The following TAFA2 variants were observed in gnomAD, a reference collection of about 807,000 sequenced individuals.
TAFA2 encodes the protein chemokine-like protein TAFA-2.
TAFA2 carries 7 observed loss-of-function variants against 18.8 expected under a neutral mutation model. The ratio of observed to expected loss-of-function variants is 0.37; its 90% confidence interval spans 0.21 to 0.70. The LOEUF (loss-of-function observed/expected upper bound fraction) is 0.70. Ranked by LOEUF, TAFA2 falls within the 30% of genes least tolerant of loss-of-function variation. The pLI is 0.53. For missense variants in TAFA2, 122 were observed against 158.1 expected, an observed-to-expected ratio of 0.77 and a Z score of 1.23; for synonymous variants, 60 against 54.2, an observed-to-expected ratio of 1.11 and a Z score of -0.47.
chr12:61,953,732 C>T (rs1418293486), intron 1 of TAFA2, among the ~76,000 whole-genome samples: 1 of 152,126 alleles, frequency 6.6e-6, no homozygotes, highest in Non-Finnish European at 1.5e-5. Flanking sequence ...CTTGAAGCTC[C>T]TCATCCACCA....
intron 1 of TAFA2, among the ~76,000 whole-genome samples, chr12:61,973,524 T>C (rs1299020918): frequency 6.6e-6 from 1 of 151,578 alleles, no homozygotes; most frequent in African/African-American, 2.4e-5. Flanking sequence ...CTTCACATTA[T>C]TAGCAGAATC....
chr12:61,896,737 C>T (rs1875861647), intron 1 of TAFA2, among the ~76,000 whole-genome samples: 1 of 152,172 alleles, frequency 6.6e-6, no homozygotes, highest in Non-Finnish European at 1.5e-5. Flanking sequence ...GAGGGCTCAG[C>T]AGGCACTGAA....
intron 4 of TAFA2, among the ~76,000 whole-genome samples, chr12:61,752,114 C>T (rs776344966): frequency 1.3e-5 from 2 of 151,966 alleles, no homozygotes; most frequent in African/African-American, 4.8e-5. Flanking sequence ...TGGGAAGTTA[C>T]ATAACATTTG....
intron 2 of TAFA2, among the ~76,000 whole-genome samples, chr12:61,851,095 T>C (rs1008016869): frequency 1.4e-4 from 22 of 152,160 alleles, no homozygotes; most frequent in Admixed American, 8.5e-4. Context: ...ATGAAAGACA[T>C]GAATCTAACC....
chr12:61,723,784 G>C (rs1274368849), intron 4 of TAFA2, among the ~76,000 whole-genome samples: 1 of 152,034 alleles, frequency 6.6e-6, no homozygotes, highest in Non-Finnish European at 1.5e-5. Context: ...ATGCATCAAG[G>C]TTAATGCTGG....
chr12:61,829,118 C>T (rs892344806), intron 2 of TAFA2, among the ~76,000 whole-genome samples: 3 of 151,654 alleles, frequency 2.0e-5, no homozygotes, highest in Non-Finnish European at 4.4e-5. Flanking sequence ...TTTAAAACTA[C>T]AAAAGTCTCA....
At chr12:61,925,384 G>A (rs1317945783) in intron 1 of TAFA2, among the ~76,000 whole-genome samples, 1 of 152,096 alleles carries the variant, frequency 6.6e-6, no homozygotes, top group Non-Finnish European at 1.5e-5. Context: ...ATAACAAACA[G>A]TCTCCCAAAC....
Position 62,166,138 on chromosome 12 carries a change from T to C in TAFA2, c.-2+25121A>G, listed in dbSNP as rs74098730. Among the ~76,000 whole-genome samples the C allele has an allele frequency of 8.0e-3, 1,223 of 152,186 alleles. 18 individuals carry two copies. Among genetic ancestry groups the C allele is most frequent in the African/African-American group, 0.028 (1,179 of 41,526 alleles). Reference sequence around the variant, plus strand: ...CTTAATTTTCTCATCTTTTCTTATATTTTATCTATTTTTCTTTTATGTATT... The same window carrying C: ...CTTAATTTTCTCATCTTTTCTTATACTTTATCTATTTTTCTTTTATGTATT... On this transcript the variant is annotated intron_variant, in intron 1 of 4. Coordinates refer to ENST00000416284, the MANE Select transcript of TAFA2 (RefSeq NM_178539.5).
chr12:61,975,216 A>G (rs1335085005), intron 1 of TAFA2, among the ~76,000 whole-genome samples: 1 of 151,782 alleles, frequency 6.6e-6, no homozygotes, highest in Non-Finnish European at 1.5e-5. Context: ...TGTAGTCTTC[A>G]TGCTATACAT....
chr12:61,978,551 C>T (rs1017836559), intron 1 of TAFA2, among the ~76,000 whole-genome samples: 11 of 151,704 alleles, frequency 7.3e-5, no homozygotes, highest in African/African-American at 2.4e-4. Context: ...AGAACAGCCC[C>T]GAAGTCTCTA....
intron 4 of TAFA2, among the ~76,000 whole-genome samples, chr12:61,737,453 G>T (rs1868322815): frequency 6.6e-6 from 1 of 151,806 alleles, no homozygotes; most frequent in African/African-American, 2.4e-5. Flanking sequence ...AGACAATGAT[G>T]AATATAGATT....
Position 61,908,342 on chromosome 12 carries a change from G to A in TAFA2, c.-1-40916C>T, listed in dbSNP as rs539911735. 3.2e-4 allele frequency among the ~76,000 whole-genome samples: 48 copies of A among 152,034 alleles called. 1 individual carries two copies. The South Asian group carries it at 8.1e-3, about 26-fold the overall frequency. On this transcript the variant is annotated intron_variant, in intron 1 of 4. Coordinates refer to ENST00000416284, the MANE Select transcript of TAFA2 (RefSeq NM_178539.5). ...TGAATAAATGCCATGAAATCTGATG[G>A]TTTTATAAAAGGGCACTCCCCGGCA...
At chr12:62,059,412 A>G (rs1303409893) in intron 1 of TAFA2, among the ~76,000 whole-genome samples, 1 of 152,184 alleles carries the variant, frequency 6.6e-6, no homozygotes, top group African/African-American at 2.4e-5. Flanking sequence ...CTAAGCATGA[A>G]GAACAGTCTA....
At chr12:62,018,315 T>C (rs1881005831) in intron 1 of TAFA2, among the ~76,000 whole-genome samples, 1 of 152,232 alleles carries the variant, frequency 6.6e-6, no homozygotes, top group Non-Finnish European at 1.5e-5. Context: ...CCCAGTATTA[T>C]TATTCTCCTT....
At chr12:61,887,537 A>C (rs1875438329) in intron 1 of TAFA2, among the ~76,000 whole-genome samples, 1 of 146,872 alleles carries the variant, frequency 6.8e-6, no homozygotes. Flanking sequence ...GCACCCACTA[A>C]CTCGTCATCT....
intron 1 of TAFA2, among the ~76,000 whole-genome samples, chr12:62,125,427 T>C (rs559938442): frequency 2.0e-5 from 3 of 152,132 alleles, no homozygotes; most frequent in Admixed American, 6.6e-5. Flanking sequence ...CATATCTTCA[T>C]GCATCCCCAA....
intron 1 of TAFA2, among the ~76,000 whole-genome samples, chr12:62,153,874 A>AC (rs2062347801): frequency 6.6e-6 from 1 of 152,040 alleles, no homozygotes; most frequent in Non-Finnish European, 1.5e-5. Context: ...TATATTGCCC[A>AC]AGTTGGAGTG....
intron 4 of TAFA2, among the ~76,000 whole-genome samples, chr12:61,734,498 A>G (rs1239803123): frequency 6.6e-6 from 1 of 151,932 alleles, no homozygotes; most frequent in African/African-American, 2.4e-5. Context: ...CATGTACCCT[A>G]AAACTTAAAG....
At chr12:61,741,247 CCT>C (rs1161860389) in intron 4 of TAFA2, among the ~76,000 whole-genome samples, 5 of 150,018 alleles carry the variant, frequency 3.3e-5, no homozygotes, top group South Asian at 2.1e-4. Context: ...TCTCCCTTCC[CCT>C]GTCTCTCCTC....
Sources: allele counts gnomAD v4.1 joint callset (sites outside exome capture counted in the v4.1 genomes callset), GRCh38; gene constraint gnomAD v4.1.1; transcripts MANE v1.5; gene names NCBI Gene and HGNC (gene_info 2026-07-23, HGNC 2026-07-21).